The following CWC27 variants were observed in gnomAD, a reference collection of about 807,000 sequenced individuals.
The protein encoded by CWC27 is CWC27 spliceosome associated cyclophilin.
Under a neutral mutation model 63.6 loss-of-function variants are expected in CWC27, and 47 were observed. The observed-to-expected ratio is 0.74, with a 90% confidence interval of 0.58 to 0.94. The LOEUF (loss-of-function observed/expected upper bound fraction) is 0.94. CWC27 is among the 40% of genes least tolerant of loss of function. CWC27 has a pLI of 0.00. For synonymous variants in CWC27, 175 were observed against 179.8 expected (o/e 0.97, Z 0.22); for missense variants, 495 against 554.3 (o/e 0.89, Z 1.07).
At chr5:65,014,248 A>T (rs1333214274) in intron 13 of CWC27, among the ~76,000 whole-genome samples, 1 of 147,986 alleles carries the variant, frequency 6.8e-6, no homozygotes, top group Non-Finnish European at 1.5e-5. Context: ...ATTACATATT[A>T]TATATGATAT....
At chr5:64,814,555 T>C (rs568270029) in intron 10 of CWC27, among the ~76,000 whole-genome samples, 1 of 152,300 alleles carries the variant, frequency 6.6e-6, no homozygotes, top group South Asian at 2.1e-4. Context: ...ATCCTTCTTT[T>C]ACAAATGTAA....
intron 11 of CWC27, among the ~76,000 whole-genome samples, chr5:64,951,121 T>C (rs557160722): frequency 1.3e-3 from 192 of 152,024 alleles, no homozygotes; most frequent in African/African-American, 4.5e-3. Context: ...GATTTCTGGG[T>C]CATATGGTAG....
At chr5:65,003,395 C>T (rs1184253257) in intron 13 of CWC27, among the ~76,000 whole-genome samples, 1 of 151,682 alleles carries the variant, frequency 6.6e-6, no homozygotes, top group Admixed American at 6.6e-5. Context: ...ATTTCCCTTC[C>T]CTTTCTTCTT....
chr5:64,897,333 C>G (rs1326975427), intron 11 of CWC27, among the ~76,000 whole-genome samples: 1 of 152,160 alleles, frequency 6.6e-6, no homozygotes, highest in Non-Finnish European at 1.5e-5. Flanking sequence ...TTGGAACCTA[C>G]CCAAATGTCC....
chr5:64,881,733 A>G (rs1746938924), intron 10 of CWC27, among the ~76,000 whole-genome samples: 2 of 151,964 alleles, frequency 1.3e-5, no homozygotes, highest in Admixed American at 1.3e-4. Context: ...GCTATGTTCT[A>G]CTCCCTCTAC....
At chr5:64,905,093 C>G (rs1482357025) in intron 11 of CWC27, among the ~76,000 whole-genome samples, 1 of 148,864 alleles carries the variant, frequency 6.7e-6, no homozygotes, top group Non-Finnish European at 1.5e-5. Context: ...CCCAGCTACT[C>G]AGGAGGCTGA....
At chr5:64,878,470 T>A (rs1245549397) in intron 10 of CWC27, among the ~76,000 whole-genome samples, 7 of 26,934 alleles carry the variant, frequency 2.6e-4, no homozygotes, top group African/African-American at 6.1e-4. Context: ...GGTTACAGAT[T>A]AAAAAAAAAA....
intron 10 of CWC27, chr5:64,808,500 G>A (rs752164191): frequency 3.6e-5 from 9 of 252,814 alleles, no homozygotes; most frequent in African/African-American, 4.6e-5. Flanking sequence ...TTCAAACAGC[G>A]TAGGTACCCA....
chr5:64,960,029 A>G (rs1748877556), intron 11 of CWC27, among the ~76,000 whole-genome samples: 1 of 152,208 alleles, frequency 6.6e-6, no homozygotes, highest in Non-Finnish European at 1.5e-5. Context: ...GATTCTTCCT[A>G]GGTAGAACTT....
At chr5:64,953,471 G>C (rs1748748096) in intron 11 of CWC27, among the ~76,000 whole-genome samples, 1 of 151,982 alleles carries the variant, frequency 6.6e-6, no homozygotes, top group Non-Finnish European at 1.5e-5. Flanking sequence ...TTTGTTTAGT[G>C]ACTAAGCCAA....
At chr5:64,957,677 C>G (rs1748828731) in intron 11 of CWC27, among the ~76,000 whole-genome samples, 2 of 152,124 alleles carry the variant, frequency 1.3e-5, no homozygotes, top group Admixed American at 1.3e-4. Context: ...ATCAAGTAGT[C>G]TATCTGACAG....
intron 10 of CWC27, among the ~76,000 whole-genome samples, chr5:64,831,606 A>G (rs1745523220): frequency 1.3e-5 from 2 of 151,972 alleles, no homozygotes; most frequent in South Asian, 4.1e-4. Flanking sequence ...AAAATTACCT[A>G]TAAGGTTTTA....
intron 11 of CWC27, among the ~76,000 whole-genome samples, chr5:64,885,813 A>C (rs1021561892): frequency 1.3e-5 from 2 of 151,436 alleles, no homozygotes; most frequent in African/African-American, 4.8e-5. Context: ...AAGTAAATTC[A>C]GTGCAAATGG....
At chr5:64,990,783 A>G (rs1455595572) in intron 13 of CWC27, among the ~76,000 whole-genome samples, 1 of 152,212 alleles carries the variant, frequency 6.6e-6, no homozygotes, top group Non-Finnish European at 1.5e-5. Context: ...TGTAGAGCCC[A>G]TGGCAAGTAA....
At chr5:64,970,211 ATTTTT>A (rs11369937) in intron 11 of CWC27, among the ~76,000 whole-genome samples, 2 of 135,346 alleles carry the variant, frequency 1.5e-5, no homozygotes, top group African/African-American at 2.8e-5. Flanking sequence ...TATGAAAGTA[ATTTTT>A]TTTTTTTTTT....
intron 10 of CWC27, among the ~76,000 whole-genome samples, chr5:64,865,698 G>A (rs1445755804): frequency 1.3e-5 from 2 of 151,914 alleles, no homozygotes; most frequent in Non-Finnish European, 2.9e-5. Context: ...ACTTTATAAT[G>A]TTAAAGTTTT....
At chr5:64,845,100 A>G in intron 10 of CWC27, 1 of 445,988 alleles carries the variant, frequency 2.2e-6, no homozygotes, top group Non-Finnish European at 4.5e-6. Context: ...CTCACCAGAC[A>G]GTGGAGTCTA....
chr5:64,905,154 T>C (rs1380714439), intron 11 of CWC27, among the ~76,000 whole-genome samples: 2 of 142,562 alleles, frequency 1.4e-5, no homozygotes, highest in African/African-American at 5.5e-5. Context: ...TGAGCCGAGA[T>C]TGCACCACTG....
At chr5:65,014,709 G>A (rs1477630837) in intron 13 of CWC27, among the ~76,000 whole-genome samples, 1 of 152,094 alleles carries the variant, frequency 6.6e-6, no homozygotes, top group East Asian at 1.9e-4. Flanking sequence ...GTAAAGTGCG[G>A]GCATGCTTTC....
Sources: allele counts gnomAD v4.1 joint callset (sites outside exome capture counted in the v4.1 genomes callset), GRCh38; gene constraint gnomAD v4.1.1; transcripts MANE v1.5; gene names NCBI Gene and HGNC (gene_info 2026-07-23, HGNC 2026-07-21).